Variants in CTNNA1 observed in about 807,000 individuals in gnomAD.
CTNNA1 encodes the protein catenin alpha 1.
CTNNA1 carries 37 observed loss-of-function variants against 98.4 expected under a neutral mutation model. The ratio of observed to expected loss-of-function variants is 0.38; its 90% CI spans 0.29 to 0.49. The LOEUF (loss-of-function observed/expected upper bound fraction) is 0.49, where lower values mean the gene tolerates loss of function less well. Among genes scored for constraint, CTNNA1 ranks in the 20% least tolerant of loss-of-function variants. The probability of loss-of-function intolerance (pLI) is 0.95; values close to 1 mark genes in which losing one functional copy is unlikely to be tolerated. For synonymous variants in CTNNA1, 404 were observed against 413.2 expected, an observed-to-expected ratio of 0.98 and a Z score of 0.27; for missense variants, 761 against 1,147.2, an observed-to-expected ratio of 0.66 and a Z score of 4.86.
chr5:138,754,599 C>T (rs979775080), intron 1 of CTNNA1: 1 of 152,112 alleles, frequency 6.6e-6, no homozygotes, highest in Non-Finnish European at 1.5e-5. Flanking sequence ...TGTGTTTAGT[C>T]AGCAGTGATT....
chr5:138,908,559 G>A (rs945143547), intron 10 of CTNNA1, among the ~76,000 whole-genome samples: 5 of 149,910 alleles, frequency 3.3e-5, no homozygotes, highest in Non-Finnish European at 2.9e-5. Context: ...CAGCTACTCA[G>A]GAGGCTGAAG....
chr5:138,784,939 G>A (rs1755511275), intron 3 of CTNNA1, among the ~76,000 whole-genome samples: 2 of 152,136 alleles, frequency 1.3e-5, no homozygotes, highest in Admixed American at 6.5e-5. Flanking sequence ...TAACCTCATC[G>A]TAACTTGATA....
intron 7 of CTNNA1, among the ~76,000 whole-genome samples, chr5:138,867,422 A>C (rs1020723046): frequency 2.0e-5 from 3 of 152,362 alleles, no homozygotes; most frequent in Non-Finnish European, 4.4e-5. Context: ...AAGCCAGGGC[A>C]GTTTATGCCC....
chr5:138,933,423 T>C (rs1020058720), intron 17 of CTNNA1, among the ~76,000 whole-genome samples: 3 of 152,194 alleles, frequency 2.0e-5, no homozygotes, highest in African/African-American at 7.2e-5. Context: ...ATTGAGACCA[T>C]TTGCTCATCT....
intron 9 of CTNNA1, among the ~76,000 whole-genome samples, chr5:138,892,050 T>C (rs1336644990): frequency 1.3e-5 from 2 of 152,200 alleles, no homozygotes; most frequent in Admixed American, 6.5e-5. Flanking sequence ...TCCTTCGAGT[T>C]GTCCAGCCTT....
chr5:138,862,121 A>C (rs185548118), intron 7 of CTNNA1, among the ~76,000 whole-genome samples: 2 of 152,318 alleles, frequency 1.3e-5, no homozygotes, highest in Non-Finnish European at 2.9e-5. Flanking sequence ...AATTCTGAGC[A>C]AGCTTTATAT....
intron 1 of CTNNA1, among the ~76,000 whole-genome samples, chr5:138,771,738 C>T (rs778346959): frequency 5.3e-5 from 8 of 152,206 alleles, no homozygotes; most frequent in Admixed American, 4.6e-4. Flanking sequence ...GTTGAGGTTC[C>T]AAAGGCTGTG....
chr5:138,796,522 C>T (rs1408205932), intron 3 of CTNNA1, among the ~76,000 whole-genome samples: 5 of 146,026 alleles, frequency 3.4e-5, no homozygotes, highest in Admixed American at 6.9e-5. Context: ...CCAGCCTGAG[C>T]GACTGAGCGA....
intron 1 of CTNNA1, among the ~76,000 whole-genome samples, chr5:138,757,676 T>A (rs1266631347): frequency 1.3e-5 from 2 of 152,218 alleles, no homozygotes; most frequent in African/African-American, 4.8e-5. Flanking sequence ...CCTGTTTGCC[T>A]TTACTGCTAG....
chr5:138,894,080 G>A (rs1756142046), intron 9 of CTNNA1, among the ~76,000 whole-genome samples: 1 of 150,648 alleles, frequency 6.6e-6, no homozygotes, highest in Admixed American at 6.6e-5. Context: ...ACCCTGCCTG[G>A]CTAATTTTTG....
intron 3 of CTNNA1, among the ~76,000 whole-genome samples, chr5:138,800,782 A>G (rs192636078): frequency 1.0e-3 from 156 of 152,242 alleles, no homozygotes; most frequent in Non-Finnish European, 1.8e-3. Context: ...CAGCCTGGGC[A>G]ACAAGAGCAA....
At chr5:138,849,079 A>G in intron 7 of CTNNA1, among the ~76,000 whole-genome samples, 1 of 152,148 alleles carries the variant, frequency 6.6e-6, no homozygotes, top group Non-Finnish European at 1.5e-5. Context: ...CATGGCTCTG[A>G]TCGTCAGTGT....
chr5:138,848,389 T>TTTC (rs1762912933), intron 7 of CTNNA1, among the ~76,000 whole-genome samples: 1 of 152,244 alleles, frequency 6.6e-6, no homozygotes, highest in African/African-American at 2.4e-5. Context: ...CTTTAAGTCC[T>TTTC]CTTTTTTTTG....
chr5:138,832,386 A>T (rs192634313), intron 7 of CTNNA1, among the ~76,000 whole-genome samples: 1 of 152,334 alleles, frequency 6.6e-6, no homozygotes, highest in East Asian at 1.9e-4. Context: ...TTCAGAGATG[A>T]CTTCCAGGTT....
At chr5:138,823,330 G>A (rs1438249947) in intron 5 of CTNNA1, among the ~76,000 whole-genome samples, 1 of 152,128 alleles carries the variant, frequency 6.6e-6, no homozygotes, top group Admixed American at 6.5e-5. Flanking sequence ...ATGATGCCAA[G>A]GACCTCAAAT....
At chr5:138,804,494 CA>C (rs1757886841) in intron 3 of CTNNA1, among the ~76,000 whole-genome samples, 1 of 152,200 alleles carries the variant, frequency 6.6e-6, no homozygotes, top group Admixed American at 6.5e-5. Flanking sequence ...CACTGCCCAG[CA>C]AGCATTACCT....
intron 14 of CTNNA1, among the ~76,000 whole-genome samples, chr5:138,929,957 C>G (rs1764946524): frequency 1.3e-5 from 2 of 152,290 alleles, no homozygotes; most frequent in South Asian, 4.1e-4. Context: ...AGGAGCTCCC[C>G]AGCCGTAGGT....
chr5:138,801,102 A>C (rs949403614), intron 3 of CTNNA1, among the ~76,000 whole-genome samples: 1 of 152,230 alleles, frequency 6.6e-6, no homozygotes, highest in Non-Finnish European at 1.5e-5. Flanking sequence ...TTAGCATCGC[A>C]TGCAGATGCA....
In CTNNA1 at chr5:138,772,616, C is replaced by T. The variant is rs142146073; in HGVS notation, c.-2-9307C>T. On this transcript the variant is annotated intron_variant, in intron 1 of 17. Transcript: ENST00000302763. ...TACTATCTGCCCTGCATAAAGCTCC[C>T]AGCCAGCAACTTACGGGATATAAAG... Among the ~76,000 whole-genome samples the T allele has an allele frequency of 9.5e-4, 145 of 152,330 alleles. 1 individual carries two copies. Among genetic ancestry groups the T allele is most frequent in the Middle Eastern group, 3.4e-3 (1 of 294 alleles).
Sources: gnomAD v4.1 joint callset for allele counts (sites outside exome capture counted in the v4.1 genomes callset) on GRCh38, gnomAD v4.1.1 for gene constraint, MANE v1.5 for transcripts, NCBI Gene and HGNC (gene_info 2026-07-23, HGNC 2026-07-21) for gene names.